Variants in RSU1 observed in about 807,000 individuals in gnomAD.
RSU1 encodes the protein Ras suppressor protein 1.
RSU1 carries 26 observed loss-of-function variants against 31.1 expected under a neutral mutation model. The observed-to-expected ratio is 0.84, with a 90% confidence interval of 0.61 to 1.16. The LOEUF is 1.16. Ranked by LOEUF, RSU1 falls within the 50% of genes most tolerant of loss-of-function variation. The probability of loss-of-function intolerance (pLI) is 0.00; values close to 1 mark genes in which losing one functional copy is unlikely to be tolerated. For synonymous variants in RSU1, 164 were observed against 136.3 expected (o/e 1.20, Z -1.41); for missense variants, 320 against 339.1 (o/e 0.94, Z 0.44).
chr10:16,657,524 T>C (rs1345656768), intron 8 of RSU1, among the ~76,000 whole-genome samples: 6 of 146,974 alleles, frequency 4.1e-5, no homozygotes, highest in South Asian at 2.1e-4. Flanking sequence ...ATCTCAATCA[T>C]ACTAGAAAAA....
At chr10:16,723,750 A>G (rs1836328763) in intron 7 of RSU1, among the ~76,000 whole-genome samples, 2 of 152,096 alleles carry the variant, frequency 1.3e-5, no homozygotes, top group Non-Finnish European at 1.5e-5. Flanking sequence ...AAGATGGACT[A>G]GAGGGTGGAG....
intron 7 of RSU1, among the ~76,000 whole-genome samples, chr10:16,722,901 T>TACACACATATACATATATGTATATATAC (rs1836302824): frequency 6.8e-6 from 1 of 146,122 alleles, no homozygotes; most frequent in East Asian, 2.2e-4. Context: ...TATGTATATA[T>TACACACATATACATATATGTATATATAC]ACACACATAT....
Position 16,770,412 on chromosome 10 carries a change from GC to G in RSU1, c.161-5903del, listed in dbSNP as rs1837400747. 2.0e-5 allele frequency among the ~76,000 whole-genome samples: 3 copies of G among 152,286 alleles called. No homozygotes were observed. The South Asian group carries it at 6.2e-4, about 32-fold the overall frequency. On this transcript the variant is annotated intron_variant, in intron 3 of 8. Coordinates refer to ENST00000345264, the MANE Select transcript of RSU1 (RefSeq NM_012425.4). ...ACCATGCTAACACACACCCACGGCT[GC>G]CAGGAAGCCAGAAGCTGCTCCAAAC...
At chr10:16,629,782 C>T (rs190235239) in intron 8 of RSU1, among the ~76,000 whole-genome samples, 5 of 152,254 alleles carry the variant, frequency 3.3e-5, no homozygotes, top group African/African-American at 4.8e-5. Context: ...GAGTGGTTCA[C>T]GTGTCTCTAA....
Position 16,783,301 on chromosome 10 carries a change from C to T in RSU1, c.110-1217G>A, listed in dbSNP as rs540674950. On this transcript the variant is annotated intron_variant, in intron 2 of 8. Coordinates refer to ENST00000345264, the MANE Select transcript of RSU1 (RefSeq NM_012425.4). ...TAAAAATTTTTCTCAGGAAGGGTCTCGATGTTGGGGCTCAGCACGCTTTGA... is the reference window on the plus strand; with the variant it reads ...TAAAAATTTTTCTCAGGAAGGGTCTTGATGTTGGGGCTCAGCACGCTTTGA... 4.6e-5 allele frequency among the ~76,000 whole-genome samples: 7 copies of T among 151,442 alleles called. No homozygotes were observed. In the South Asian group the frequency reaches 8.3e-4, roughly 18 times the overall value.
intron 7 of RSU1, among the ~76,000 whole-genome samples, chr10:16,714,371 G>A (rs1018993118): frequency 6.6e-6 from 1 of 152,204 alleles, no homozygotes; most frequent in Non-Finnish European, 1.5e-5. Context: ...AGTTATTTGG[G>A]AGGGAGGGCT....
rs1407955895 is a variant in RSU1 at position 16,805,409 on chromosome 10, C to T, written c.109+11564G>A. ...TTTTTTGGCCGGGAGCGGTGGCTCA[C>T]GCCTGTAATCCGAACATTTTGGGAG... On this transcript the variant is annotated intron_variant, in intron 2 of 8. Coordinates refer to ENST00000345264, the MANE Select transcript of RSU1 (RefSeq NM_012425.4). Among the ~76,000 whole-genome samples, 13 of 151,994 alleles carry T rather than the reference C, an allele frequency of 8.6e-5. 1 individual carries two copies. The highest frequency in any genetic ancestry group is 9.7e-5 in the African/African-American group (4 of 41,376).
intron 8 of RSU1, among the ~76,000 whole-genome samples, chr10:16,685,498 C>G (rs764914304): frequency 3.3e-5 from 5 of 152,128 alleles, no homozygotes; most frequent in African/African-American, 9.7e-5. Context: ...ATATGCTAAA[C>G]AAGCGGTGGA....
intron 4 of RSU1, among the ~76,000 whole-genome samples, chr10:16,758,673 C>A (rs570743672): frequency 7.2e-5 from 11 of 152,272 alleles, no homozygotes; most frequent in African/African-American, 2.4e-4. Context: ...ACCCAACACC[C>A]AATCCATGGC....
intron 8 of RSU1, among the ~76,000 whole-genome samples, chr10:16,596,687 A>C (rs1833620304): frequency 6.6e-6 from 1 of 152,172 alleles, no homozygotes; most frequent in Non-Finnish European, 1.5e-5. Context: ...ATACGTATGT[A>C]CATTTTTATT....
intron 7 of RSU1, among the ~76,000 whole-genome samples, chr10:16,724,678 G>A (rs568887578): frequency 6.6e-6 from 1 of 152,184 alleles, no homozygotes; most frequent in Non-Finnish European, 1.5e-5. Context: ...AGGAACGAGG[G>A]AGGGGACATA....
intron 8 of RSU1, among the ~76,000 whole-genome samples, chr10:16,684,390 G>C (rs1442655512): frequency 6.6e-6 from 1 of 152,120 alleles, no homozygotes. Context: ...ATTTTGGCAA[G>C]ATAAAAAAAC....
At chr10:16,626,747 T>G (rs1834164679) in intron 8 of RSU1, among the ~76,000 whole-genome samples, 1 of 152,202 alleles carries the variant, frequency 6.6e-6, no homozygotes. Flanking sequence ...CGCTTCACTG[T>G]AGACTTTTGG....
intron 7 of RSU1, among the ~76,000 whole-genome samples, chr10:16,718,217 A>AT (rs536635823): frequency 5.1e-4 from 78 of 152,218 alleles, no homozygotes; most frequent in African/African-American, 1.8e-3. Context: ...AGCATTTTCC[A>AT]TACCCAAATT....
intron 2 of RSU1, among the ~76,000 whole-genome samples, chr10:16,806,446 G>C (rs141878741): frequency 6.6e-6 from 1 of 152,182 alleles, no homozygotes; most frequent in Non-Finnish European, 1.5e-5. Flanking sequence ...TATTGCCTGG[G>C]TGACTTTGAG....
chr10:16,748,818 G>C (rs529722956), intron 7 of RSU1, among the ~76,000 whole-genome samples: 1 of 149,586 alleles, frequency 6.7e-6, no homozygotes, highest in Non-Finnish European at 1.5e-5. Flanking sequence ...ATGAGTGAGG[G>C]TTTCTCTGAT....
intron 2 of RSU1, among the ~76,000 whole-genome samples, chr10:16,808,699 T>G (rs1838333965): frequency 6.6e-6 from 1 of 152,156 alleles, no homozygotes; most frequent in Non-Finnish European, 1.5e-5. Flanking sequence ...ATCTAGATGT[T>G]ATGGAATGAA....
intron 8 of RSU1, among the ~76,000 whole-genome samples, chr10:16,660,616 A>T (rs1834869809): frequency 8.1e-6 from 1 of 123,900 alleles, no homozygotes; most frequent in Non-Finnish European, 1.7e-5. Flanking sequence ...CTTTTTCATG[A>T]GTTTCCAGTT....
Position 16,715,041 on chromosome 10 carries a change from G to A in RSU1, c.599-19886C>T, listed in dbSNP as rs150707274. On this transcript the variant is annotated intron_variant, in intron 7 of 8. Coordinates refer to ENST00000345264, the MANE Select transcript of RSU1 (RefSeq NM_012425.4). ...CATGACTGCCAAGTCTCCACTGGGG[G>A]AGACTGTGGCAGAGGCAGGATGCCT... Among the ~76,000 whole-genome samples the A allele has an allele frequency of 9.0e-3, 1,376 of 152,320 alleles. 13 individuals carry two copies. Among genetic ancestry groups the A allele is most frequent in the Non-Finnish European group, 0.013 (909 of 68,030 alleles).
Sources: allele counts gnomAD v4.1 joint callset (sites outside exome capture counted in the v4.1 genomes callset), GRCh38; gene constraint gnomAD v4.1.1; transcripts MANE v1.5; gene names NCBI Gene and HGNC (gene_info 2026-07-23, HGNC 2026-07-21).